The following OSBP2 variants were observed in gnomAD, a reference collection of about 807,000 sequenced individuals.
The protein encoded by OSBP2 is oxysterol binding protein 2.
A neutral mutation model predicts 96.0 loss-of-function variants in OSBP2; 66 were observed. The ratio of observed to expected loss-of-function variants is 0.69; its 90% CI spans 0.56 to 0.84. The LOEUF (loss-of-function observed/expected upper bound fraction) is 0.84, where lower values mean the gene tolerates loss of function less well. Ranked by LOEUF, OSBP2 falls within the 40% of genes least tolerant of loss-of-function variation. The pLI, the probability that OSBP2 is intolerant of heterozygous loss-of-function variation, is 0.00. For synonymous variants in OSBP2, 525 were observed against 520.9 expected, an observed-to-expected ratio of 1.01 and a Z score of -0.11; for missense variants, 1,038 against 1,222.7, an observed-to-expected ratio of 0.85 and a Z score of 2.25.
intron 12 of OSBP2, chr22:30,902,668 C>T: frequency 1.8e-6 from 1 of 570,578 alleles, no homozygotes; most frequent in Admixed American, 2.5e-5. Context: ...GACCACGACT[C>T]CAGCTTAAAC....
intron 2 of OSBP2, among the ~76,000 whole-genome samples, chr22:30,801,227 T>A (rs2090846681): frequency 2.0e-5 from 3 of 152,308 alleles, no homozygotes; most frequent in Admixed American, 2.0e-4. Context: ...TGATTACTGA[T>A]TTGTTTCTTG....
At position 30,859,467 on chromosome 22, in the gene OSBP2, G is replaced by T. The variant is rs568444306; in HGVS notation, c.854-10962G>T. ...CCACAACCATCAGCAGGGTGACCAG[G>T]TCTGCTGGTGCCTGGTGACTGGCTG... On this transcript the variant is annotated intron_variant, in intron 2 of 13. Coordinates refer to ENST00000332585, the MANE Select transcript of OSBP2 (RefSeq NM_030758.4). Among the ~76,000 whole-genome samples the T allele has an allele frequency of 8.5e-5, 13 of 152,384 alleles. No individual in the cohort carries two copies. In the South Asian group the frequency reaches 2.5e-3, roughly 29 times the overall value.
chr22:30,765,896 C>T (rs2090263888), intron 2 of OSBP2, among the ~76,000 whole-genome samples: 2 of 152,102 alleles, frequency 1.3e-5, no homozygotes, highest in Admixed American at 1.3e-4. Context: ...TGGTTCTCAC[C>T]CCAACTGAGA....
chr22:30,784,582 C>T (rs1183811381), intron 2 of OSBP2, among the ~76,000 whole-genome samples: 1 of 151,874 alleles, frequency 6.6e-6, no homozygotes, highest in East Asian at 1.9e-4. Flanking sequence ...TTAATTGTAT[C>T]CTTCTGGAAT....
intron 2 of OSBP2, among the ~76,000 whole-genome samples, chr22:30,768,542 T>C (rs1267681720): frequency 6.6e-6 from 1 of 152,018 alleles, no homozygotes; most frequent in Non-Finnish European, 1.5e-5. Context: ...CTGGGCATGG[T>C]GGCATATGCC....
intron 2 of OSBP2, among the ~76,000 whole-genome samples, chr22:30,756,739 G>T (rs1423607143): frequency 6.6e-6 from 1 of 152,080 alleles, no homozygotes; most frequent in African/African-American, 2.4e-5. Flanking sequence ...GTTGTCAAGA[G>T]GGATAAATCA....
chr22:30,745,868 C>T lies in OSBP2; in HGVS notation c.853+4499C>T, dbSNP rs143571105. On this transcript the variant is annotated intron_variant, in intron 2 of 13. Transcript: ENST00000332585. ...TGAAAGTGGGAACATTACTAATGAC[C>T]TTACAGAAATGAAAAGGGTTATAAG... Among the ~76,000 whole-genome samples the T allele has an allele frequency of 2.8e-3, 433 of 151,950 alleles. 4 individuals are homozygous for T. Among genetic ancestry groups the T allele is most frequent in the Non-Finnish European group, 5.3e-3 (358 of 67,994 alleles).
At chr22:30,887,707 C>T (rs980535940) in intron 4 of OSBP2, 89 bp downstream of exon 4, 9 of 1,155,526 alleles carry the variant, frequency 7.8e-6, no homozygotes, top group Non-Finnish European at 1.1e-5. Flanking sequence ...ATGCACATCC[C>T]TGGCTGTGCC....
chr22:30,800,963 G>A (rs939000917), intron 2 of OSBP2, among the ~76,000 whole-genome samples: 1 of 152,056 alleles, frequency 6.6e-6, no homozygotes, highest in Admixed American at 6.6e-5. Context: ...TGGGTTCCTC[G>A]CTCGTCTTCT....
chr22:30,712,917 GT>G (rs1479271752), intron 1 of OSBP2, among the ~76,000 whole-genome samples: 1 of 151,432 alleles, frequency 6.6e-6, no homozygotes, highest in Non-Finnish European at 1.5e-5. Flanking sequence ...GGTTTTTGTT[GT>G]TTTTTTTGAG....
At chr22:30,744,104 A>C (rs2089971683) in intron 2 of OSBP2, among the ~76,000 whole-genome samples, 1 of 152,194 alleles carries the variant, frequency 6.6e-6, no homozygotes, top group Admixed American at 6.5e-5. Flanking sequence ...TGTGAAGGAA[A>C]AGCCTTCAGA....
intron 1 of OSBP2, among the ~76,000 whole-genome samples, chr22:30,703,143 T>C (rs1467427179): frequency 6.6e-6 from 1 of 152,018 alleles, no homozygotes; most frequent in Non-Finnish European, 1.5e-5. Context: ...TGTGTTGCAA[T>C]AGGCTACTCA....
At chr22:30,694,340 G>A (rs1250381586), upstream of OSBP2, 8 of 1,544,804 alleles carry the variant, frequency 5.2e-6, no homozygotes, top group South Asian at 2.4e-5. Context: ...GCGACCCACA[G>A]ACAGGTAATG....
At chr22:30,823,515 A>G (rs1199100839) in intron 2 of OSBP2, among the ~76,000 whole-genome samples, 2 of 152,248 alleles carry the variant, frequency 1.3e-5, no homozygotes, top group African/African-American at 4.8e-5. Flanking sequence ...TATTAGAAAC[A>G]GCTCCTTTAG....
intron 2 of OSBP2, among the ~76,000 whole-genome samples, chr22:30,809,705 T>C (rs1309814187): frequency 2.6e-5 from 4 of 152,292 alleles, no homozygotes; most frequent in African/African-American, 9.6e-5. Context: ...AGGGAGCAGA[T>C]GGTAATTTCA....
At chr22:30,892,152 T>G (rs1284589723) in intron 8 of OSBP2, among the ~76,000 whole-genome samples, 2 of 151,766 alleles carry the variant, frequency 1.3e-5, no homozygotes, top group Non-Finnish European at 2.9e-5. Context: ...GGATGCGATT[T>G]GAAGGAAGGG....
chr22:30,730,788 AT>A (rs2089756478), intron 1 of OSBP2, among the ~76,000 whole-genome samples: 1 of 44,972 alleles, frequency 2.2e-5, no homozygotes, highest in African/African-American at 1.2e-4. Context: ...ATATATATAT[AT>A]ATATATATAT....
At chr22:30,729,728 G>C (rs1201152550) in intron 1 of OSBP2, among the ~76,000 whole-genome samples, 1 of 151,996 alleles carries the variant, frequency 6.6e-6, no homozygotes, top group African/African-American at 2.4e-5. Context: ...GAAATCAGCT[G>C]GTCATGGTGG....
chr22:30,814,087 C>T lies in OSBP2; in HGVS notation c.854-56342C>T, dbSNP rs368973342. Among the ~76,000 whole-genome samples, 5 of 152,240 alleles carry T rather than the reference C, an allele frequency of 3.3e-5. No homozygotes were observed. In the East Asian group the frequency reaches 5.8e-4, roughly 18 times the overall value. Reference sequence around the variant, plus strand: ...GATTACAGGCATGAACCACCATGCCCGGCCCCAGATGATGTTTGAGTGCCC... The same window carrying T: ...GATTACAGGCATGAACCACCATGCCTGGCCCCAGATGATGTTTGAGTGCCC... On this transcript the variant is annotated intron_variant, in intron 2 of 13. Coordinates refer to ENST00000332585, the MANE Select transcript of OSBP2 (RefSeq NM_030758.4).
Sources: gnomAD v4.1 joint callset for allele counts (sites outside exome capture counted in the v4.1 genomes callset) on GRCh38, gnomAD v4.1.1 for gene constraint, MANE v1.5 for transcripts, NCBI Gene and HGNC (gene_info 2026-07-23, HGNC 2026-07-21) for gene names.